Variants in RGS10 observed in about 807,000 individuals in gnomAD.
RGS10 encodes the protein regulator of G protein signaling 10.
A neutral mutation model predicts 23.5 loss-of-function variants in RGS10; 11 were observed. That is an observed-to-expected ratio of 0.47 (90% CI 0.29 to 0.77). RGS10 has a LOEUF of 0.77. Ranked by LOEUF, RGS10 falls within the 30% of genes least tolerant of loss-of-function variation. The pLI is 0.08. For missense variants in RGS10, 180 were observed against 226.3 expected (o/e 0.80, Z 1.31); for synonymous variants, 77 against 83.2 (o/e 0.92, Z 0.41).
At chr10:119,512,787 A>G (rs1350512610) in intron 4 of RGS10, among the ~76,000 whole-genome samples, 1 of 152,194 alleles carries the variant, frequency 6.6e-6, no homozygotes, top group African/African-American at 2.4e-5. Context: ...ACCTCAGGTG[A>G]TCCACACGCC....
At chr10:119,540,441 G>A (rs1256348173) in intron 1 of RGS10, among the ~76,000 whole-genome samples, 1 of 152,026 alleles carries the variant, frequency 6.6e-6, no homozygotes, top group African/African-American at 2.4e-5. Flanking sequence ...TTGTAGAGAC[G>A]GGGTTTTGCC....
chr10:119,506,440 T>C (rs376780819), intron 4 of RGS10, among the ~76,000 whole-genome samples: 52 of 151,802 alleles, frequency 3.4e-4, no homozygotes, highest in Admixed American at 1.1e-3. Flanking sequence ...CCAGAAGGAG[T>C]CTGGACACCA....
At chr10:119,505,322 CTTT>C (rs11317053) in intron 4 of RGS10, among the ~76,000 whole-genome samples, 4,821 of 90,076 alleles carry the variant, frequency 0.054, 158 homozygotes, top group East Asian at 0.22. Flanking sequence ...CATTCTGCAT[CTTT>C]TTTTTTTTTT....
intron 4 of RGS10, among the ~76,000 whole-genome samples, chr10:119,514,294 T>C (rs922225866): frequency 6.6e-6 from 1 of 151,772 alleles, no homozygotes; most frequent in Non-Finnish European, 1.5e-5. Context: ...GAGGCAGAGG[T>C]GGCAGTGAGC....
Position 119,512,336 on chromosome 10 carries a change from C to G in RGS10, c.399+3173G>C, listed in dbSNP as rs1051003746. Among the ~76,000 whole-genome samples, 12 of 152,264 alleles carry G rather than the reference C, an allele frequency of 7.9e-5. 1 individual carries two copies. Among genetic ancestry groups the G allele is most frequent in the Admixed American group, 4.6e-4 (7 of 15,288 alleles). ...TAGGAAAACAGAGCTCTCGAGGGAGCCTTTGCAAGAAAAAAACCGGGGCTA... is the reference window on the plus strand; with the variant it reads ...TAGGAAAACAGAGCTCTCGAGGGAGGCTTTGCAAGAAAAAAACCGGGGCTA... On this transcript the variant is annotated intron_variant, in intron 4 of 4. Transcript: ENST00000369103.
chr10:119,512,142 G>A (rs1334524301), intron 4 of RGS10, among the ~76,000 whole-genome samples: 1 of 134,430 alleles, frequency 7.4e-6, no homozygotes, highest in African/African-American at 2.9e-5. Context: ...GGTGATGAGG[G>A]GCTAAGTTCG....
chr10:119,534,838 C>T (rs920366855), intron 1 of RGS10, among the ~76,000 whole-genome samples: 4 of 151,282 alleles, frequency 2.6e-5, no homozygotes, highest in South Asian at 2.1e-4. Flanking sequence ...TGCAGTGAGC[C>T]GAGATCAAGC....
rs906308007 is a variant in RGS10 at position 119,527,397 on chromosome 10, C to G, written c.77G>C (p.Ser26Thr). The change falls in exon 2 of 5, where the codon AGC (serine) becomes ACC (threonine). Residue 26 changes from serine to threonine, a missense_variant. Coordinates refer to ENST00000369103, the MANE Select transcript of RGS10 (RefSeq NM_001005339.2). The surrounding 1 kb of genome is among the most constrained non-coding windows in gnomAD (Gnocchi z 4.2). ...SDIHDSDGSS[S>T]SSHQSLKSTA... The stretch of plus-strand genomic sequence containing the variant: ...GCTCTTGAGGCTCTGGTGGCTGCTG[C>G]TGGAACTGCCATCGCTGTCGTGGAT... 1 of 1,614,196 alleles carries G rather than the reference C, an allele frequency of 6.2e-7. No homozygotes were observed. The highest frequency in any genetic ancestry group is 8.5e-7 in the Non-Finnish European group (1 of 1,180,010).
Position 119,499,926 on chromosome 10 carries a change from T to C in RGS10, c.*187A>G, listed in dbSNP as rs1403363491. ...ACTAAAACTTCCAAGTTATTATTATTCTTTTTTTATGTTAGCTTAGCCATC... is the reference window on the plus strand; with the variant it reads ...ACTAAAACTTCCAAGTTATTATTATCCTTTTTTTATGTTAGCTTAGCCATC... On this transcript the variant is annotated 3_prime_UTR_variant, in exon 5 of 5. Coordinates refer to ENST00000369103, the MANE Select transcript of RGS10 (RefSeq NM_001005339.2). 1 of 540,914 alleles carries C rather than the reference T, an allele frequency of 1.8e-6. No individual in the cohort carries two copies. The highest frequency in any genetic ancestry group is 3.2e-6 in the Non-Finnish European group (1 of 315,360). The allele number at this position is 540,914 out of a possible 1,614,324, so 33.5% of individuals were successfully genotyped here. A position where few individuals can be genotyped will look rare whatever the true frequency, so the allele number is the denominator to read the frequency against.
At chr10:119,502,875 G>C (rs978430953) in intron 4 of RGS10, among the ~76,000 whole-genome samples, 2 of 152,218 alleles carry the variant, frequency 1.3e-5, no homozygotes, top group African/African-American at 4.8e-5. Flanking sequence ...AGCTGTGGCT[G>C]TTGGACCCAG....
At chr10:119,507,306 G>C (rs1024689894) in intron 4 of RGS10, among the ~76,000 whole-genome samples, 3 of 152,098 alleles carry the variant, frequency 2.0e-5, no homozygotes, top group African/African-American at 7.2e-5. Context: ...GGTCATGCAG[G>C]GGCACTCAGG....
chr10:119,511,150 T>C (rs999725458), intron 4 of RGS10, among the ~76,000 whole-genome samples: 53 of 152,012 alleles, frequency 3.5e-4, no homozygotes, highest in African/African-American at 1.2e-3. Flanking sequence ...AGCCTTTGAC[T>C]CTAGGCTAAC....
In RGS10 at chr10:119,518,950, C is replaced by T. The variant is rs925127444; in HGVS notation, c.256-3298G>A. 5.9e-5 allele frequency among the ~76,000 whole-genome samples: 9 copies of T among 152,326 alleles called. No homozygotes were observed. The East Asian group carries it at 1.7e-3, about 29-fold the overall frequency. On this transcript the variant is annotated intron_variant, in intron 3 of 4. Transcript: ENST00000369103. ...CGAACTCCCAGCCTCAAGTGATCCA[C>T]CTGCCTCAGCCTCCCAAAGTGCTAG...
intron 3 of RGS10, among the ~76,000 whole-genome samples, chr10:119,519,142 C>T (rs1329088806): frequency 6.6e-6 from 1 of 152,220 alleles, no homozygotes; most frequent in East Asian, 1.9e-4. Flanking sequence ...GCTGCCCAGG[C>T]AGCGAGGCCT....
intron 4 of RGS10, among the ~76,000 whole-genome samples, chr10:119,506,327 G>A (rs1275263787): frequency 2.0e-5 from 3 of 152,362 alleles, no homozygotes; most frequent in South Asian, 2.1e-4. Context: ...GCCCCAGAGC[G>A]CCAGGACGGG....
Position 119,511,018 on chromosome 10 carries a change from G to A in RGS10, c.399+4491C>T, listed in dbSNP as rs190610718. Among the ~76,000 whole-genome samples, 504 of 152,126 alleles carry A rather than the reference G, an allele frequency of 3.3e-3. 14 individuals are homozygous for A. Among genetic ancestry groups the A allele is most frequent in the Admixed American group, 0.024 (367 of 15,268 alleles). On this transcript the variant is annotated intron_variant, in intron 4 of 4. Transcript: ENST00000369103. The stretch of plus-strand genomic sequence containing the variant: ...CAGGTGTGAGCCACCACGCCCGGCC[G>A]TAATACATGTTTTTAAAGAAGAAAA...
chr10:119,534,855 A>G (rs906406946), intron 1 of RGS10, among the ~76,000 whole-genome samples: 4 of 152,040 alleles, frequency 2.6e-5, no homozygotes, highest in Non-Finnish European at 5.9e-5. Context: ...AAGCCACTGC[A>G]CTCCAGCCTG....
intron 1 of RGS10, among the ~76,000 whole-genome samples, chr10:119,533,537 G>A (rs1844354398): frequency 6.6e-6 from 1 of 152,130 alleles, no homozygotes; most frequent in Non-Finnish European, 1.5e-5. Context: ...GCAAAACCAA[G>A]ATTTCCCAGC....
intron 1 of RGS10, among the ~76,000 whole-genome samples, chr10:119,534,874 G>C (rs1844371870): frequency 6.6e-6 from 1 of 152,096 alleles, no homozygotes; most frequent in African/African-American, 2.4e-5. Flanking sequence ...TGGTGACAGA[G>C]CAAGACTCTG....
Sources: gnomAD v4.1 joint callset for allele counts (sites outside exome capture counted in the v4.1 genomes callset) on GRCh38, gnomAD v4.1.1 for gene constraint, Gnocchi (gnomAD v3.1) non-coding constraint, MANE v1.5 for transcripts, NCBI Gene and HGNC (gene_info 2026-07-23, HGNC 2026-07-21) for gene names.